DPP6: variants seen among roughly 807,000 people sequenced by gnomAD.
The protein encoded by DPP6 is A-type potassium channel modulatory protein DPP6.
Under a neutral mutation model 122.6 loss-of-function variants are expected in DPP6, and 69 were observed. The observed-to-expected ratio is 0.56, with a 90% CI of 0.46 to 0.69. The LOEUF (loss-of-function observed/expected upper bound fraction) is 0.69, where lower values mean the gene tolerates loss of function less well. Ranked by LOEUF, DPP6 falls within the 30% of genes least tolerant of loss-of-function variation. The pLI is 0.00. For synonymous variants in DPP6, 418 were observed against 433.1 expected (o/e 0.97, Z 0.43); for missense variants, 928 against 1,116.9 (o/e 0.83, Z 2.41).
At chr7:154,231,590 G>T (rs897579014) in intron 1 of DPP6, among the ~76,000 whole-genome samples, 1 of 152,168 alleles carries the variant, frequency 6.6e-6, no homozygotes, top group South Asian at 2.1e-4. Context: ...CTGGTGCAAG[G>T]AGTGGGCTTA....
chr7:154,879,250 C>T lies in DPP6; in HGVS notation c.2079-1638C>T, dbSNP rs542009972. ...CGGAGTCCAGGAGTTCAATCAAGAC[C>T]AGCTGGCCAACATGGTGAAACCCCG... On this transcript the variant is annotated intron_variant, in intron 20 of 25. Transcript: ENST00000377770. Among the ~76,000 whole-genome samples, 597 of 151,772 alleles carry T rather than the reference C, an allele frequency of 3.9e-3. 76 individuals carry two copies. The highest frequency in any genetic ancestry group is 0.014 in the African/African-American group (558 of 41,294).
In DPP6 at chr7:154,859,270, G is replaced by C. The variant is rs117635359; in HGVS notation, c.1714+5443G>C. Reference sequence around the variant, plus strand: ...CAAAGCAGCAGCGCTTCCAACCCGCGCTGTGGGGCTGAGCCAGGAAAGCGG... The same window carrying C: ...CAAAGCAGCAGCGCTTCCAACCCGCCCTGTGGGGCTGAGCCAGGAAAGCGG... On this transcript the variant is annotated intron_variant, in intron 17 of 25. Coordinates refer to ENST00000377770, the MANE Select transcript of DPP6 (RefSeq NM_130797.4). 7.4e-3 allele frequency among the ~76,000 whole-genome samples: 1,128 copies of C among 152,362 alleles called. 9 individuals are homozygous for C. Among genetic ancestry groups the C allele is most frequent in the Middle Eastern group, 0.027 (8 of 294 alleles).
At chr7:153,900,442 A>G (rs1031910414) in intron 1 of DPP6, among the ~76,000 whole-genome samples, 2 of 152,190 alleles carry the variant, frequency 1.3e-5, no homozygotes, top group Admixed American at 6.5e-5. Context: ...AGGCACCAGC[A>G]TCTGCTTCTG....
At chr7:154,251,273 A>G (rs938880229) in intron 1 of DPP6, among the ~76,000 whole-genome samples, 4 of 152,170 alleles carry the variant, frequency 2.6e-5, no homozygotes, top group African/African-American at 9.7e-5. Flanking sequence ...AGAGCTACAG[A>G]TGGTTTGGAA....
chr7:154,771,229 G>T (rs1796232511), intron 9 of DPP6, among the ~76,000 whole-genome samples: 2 of 152,228 alleles, frequency 1.3e-5, no homozygotes, highest in Admixed American at 1.3e-4. Flanking sequence ...AACACCTGGT[G>T]TCTTAGTCAG....
At chr7:153,826,957 C>T in the DPP6 span, among the ~76,000 whole-genome samples, 2 of 151,420 alleles carry the variant, frequency 1.3e-5, no homozygotes, top group African/African-American at 4.9e-5. Flanking sequence ...AATGTGTAAG[C>T]TAAACGTATT....
At chr7:154,178,299 A>T (rs1237629103) in intron 1 of DPP6, among the ~76,000 whole-genome samples, 1 of 152,222 alleles carries the variant, frequency 6.6e-6, no homozygotes, top group Non-Finnish European at 1.5e-5. Context: ...ACTGTTGAAC[A>T]AACTCTGAAA....
intron 1 of DPP6, among the ~76,000 whole-genome samples, chr7:153,911,142 C>A (rs1252812350): frequency 6.6e-6 from 1 of 152,210 alleles, no homozygotes; most frequent in Non-Finnish European, 1.5e-5. Flanking sequence ...CCTAGCCTTG[C>A]TGGGGTCTCA....
chr7:154,151,158 C>T (rs1388804785), intron 1 of DPP6, among the ~76,000 whole-genome samples: 1 of 152,292 alleles, frequency 6.6e-6, no homozygotes, highest in Admixed American at 6.5e-5. Flanking sequence ...GTAGAGGCTT[C>T]TTCCATGGAA....
At position 154,598,256 on chromosome 7, in the gene DPP6, T is replaced by G. The variant is rs117309568; in HGVS notation, c.627+31340T>G. On this transcript the variant is annotated intron_variant, in intron 5 of 25. Coordinates refer to ENST00000377770, the MANE Select transcript of DPP6 (RefSeq NM_130797.4). ...ACACTTAAATTTCCAGTCCTGATTTTCATACCAAGAAACATGGCCAAGTCA... is the reference window on the plus strand; with the variant it reads ...ACACTTAAATTTCCAGTCCTGATTTGCATACCAAGAAACATGGCCAAGTCA... 8.6e-3 allele frequency among the ~76,000 whole-genome samples: 1,305 copies of G among 152,340 alleles called. 10 individuals carry two copies. The highest frequency in any genetic ancestry group is 0.014 in the Non-Finnish European group (958 of 68,036).
intron 1 of DPP6, among the ~76,000 whole-genome samples, chr7:154,177,590 C>T (rs1353332698): frequency 6.6e-6 from 1 of 152,172 alleles, no homozygotes; most frequent in African/African-American, 2.4e-5. Flanking sequence ...AGTTTGGGCT[C>T]ATTGGAATAT....
At position 153,895,688 on chromosome 7, in the gene DPP6, G is replaced by A. The variant is rs147652948; in HGVS notation, c.51+7954G>A. ...TTGATGACCCAGGAAGACTGTATAT[G>A]TGTGTGTGTAGCACACCATATACAT... On this transcript the variant is annotated intron_variant, in intron 1 of 25. Coordinates refer to the DPP6 transcript ENST00000404039. Among the ~76,000 whole-genome samples the A allele has an allele frequency of 3.9e-3, 589 of 151,890 alleles. 4 individuals carry two copies. Among genetic ancestry groups the A allele is most frequent in the African/African-American group, 0.012 (479 of 41,414 alleles).
At chr7:154,123,742 CGCTCGTGGGGCTT>C (rs1563221419) in intron 1 of DPP6, among the ~76,000 whole-genome samples, 9 of 138,624 alleles carry the variant, frequency 6.5e-5, no homozygotes, top group Non-Finnish European at 1.1e-4. Context: ...TTGTGCTGCC[CGCTCGTGGGGCTT>C]ACCTGGGGAC....
chr7:154,266,633 T>C (rs1020774897), intron 1 of DPP6, among the ~76,000 whole-genome samples: 1 of 152,290 alleles, frequency 6.6e-6, no homozygotes, highest in Non-Finnish European at 1.5e-5. Context: ...CCAGAGATGT[T>C]TTTGACTGAA....
intron 3 of DPP6, among the ~76,000 whole-genome samples, chr7:154,515,164 C>A (rs866825078): frequency 1.3e-5 from 2 of 152,308 alleles, no homozygotes; most frequent in Non-Finnish European, 2.9e-5. Flanking sequence ...TTACTACATT[C>A]TGTGGAAGTG....
intron 1 of DPP6, among the ~76,000 whole-genome samples, chr7:153,935,047 C>T (rs919660583): frequency 6.6e-6 from 1 of 152,190 alleles, no homozygotes; most frequent in Non-Finnish European, 1.5e-5. Flanking sequence ...GCTCAGGGAC[C>T]AGCCCCAGGG....
At chr7:154,021,665 A>G (rs1353845671) in intron 1 of DPP6, among the ~76,000 whole-genome samples, 1 of 152,180 alleles carries the variant, frequency 6.6e-6, no homozygotes, top group Non-Finnish European at 1.5e-5. Context: ...TGTATTAAGA[A>G]GACATCTGGG....
chr7:154,357,696 CTT>C (rs66985652), intron 1 of DPP6, among the ~76,000 whole-genome samples: 15,141 of 152,116 alleles, frequency 0.1, 903 homozygotes, highest in South Asian at 0.18. Context: ...TAATCCAACA[CTT>C]TGGGAGGCTG....
At chr7:154,473,256 G>A (rs868619484) in intron 2 of DPP6, among the ~76,000 whole-genome samples, 2 of 152,190 alleles carry the variant, frequency 1.3e-5, no homozygotes, top group Non-Finnish European at 2.9e-5. Context: ...GTATATGGAA[G>A]TGTGTCATGT....
Sources: gnomAD v4.1 joint callset for allele counts (sites outside exome capture counted in the v4.1 genomes callset) on GRCh38, gnomAD v4.1.1 for gene constraint, MANE v1.5 for transcripts, NCBI Gene and HGNC (gene_info 2026-07-23, HGNC 2026-07-21) for gene names.